The following ABCA5 variants were observed in gnomAD, a reference collection of about 807,000 sequenced individuals.
ABCA5 encodes ATP binding cassette subfamily A member 5.
In ABCA5, 163 loss-of-function variants were observed where a neutral mutation model predicts 206.0. That is an observed-to-expected ratio of 0.79 (90% confidence interval 0.70 to 0.90). The LOEUF is 0.90. Among genes scored for constraint, ABCA5 ranks in the 40% least tolerant of loss-of-function variants. The pLI, the probability that ABCA5 is intolerant of heterozygous loss-of-function variation, is 0.00. For synonymous variants in ABCA5, 609 were observed against 613.8 expected, an observed-to-expected ratio of 0.99 and a Z score of 0.11; for missense variants, 1,859 against 1,912.9, an observed-to-expected ratio of 0.97 and a Z score of 0.53.
intron 2 of ABCA5, 149 bp from the exon 3 acceptor site, chr17:69,313,445 A>C (rs2075789123): frequency 2.3e-6 from 1 of 435,186 alleles, no homozygotes; most frequent in African/African-American, 2.0e-5. Context: ...CTATCCCAAA[A>C]GAATTTTGTG....
At position 69,247,446 on chromosome 17, in the gene ABCA5, A is replaced by G. The variant is rs2074963387; in HGVS notation, c.*91T>C. The stretch of plus-strand genomic sequence containing the variant: ...ATTTCAAGTGCGTTCTTGGTTCTCC[A>G]GTTACCATTCCAATAAAAAACTTTT... On this transcript the variant is annotated 3_prime_UTR_variant, in exon 39 of 39. Transcript: ENST00000392676. 1 of 800,744 alleles carries G rather than the reference A, an allele frequency of 1.2e-6. No individual in the cohort carries two copies. Among genetic ancestry groups the G allele is most frequent in the Admixed American group, 2.8e-5 (1 of 35,484 alleles). The allele number at this position is 800,744 out of a possible 1,614,324, so 49.6% of individuals were successfully genotyped here.
chr17:69,304,669 AGAT>A lies in ABCA5; in HGVS notation c.927_929del (p.Ser310del). The A allele has an allele frequency of 6.4e-7, 1 of 1,571,524 alleles. No homozygotes were observed. Among genetic ancestry groups the A allele is most frequent in the South Asian group, 1.2e-5 (1 of 83,200 alleles). On this transcript the variant is annotated inframe_deletion and splice_region_variant, in exon 7 of 39. Coordinates refer to ENST00000392676, the MANE Select transcript of ABCA5 (RefSeq NM_172232.4). ...TCCTATCACAAGTTAAAATACTTACAGATGATAATCCATAAAGGAAAAAAAGCA... is the reference window on the plus strand; with the variant it reads ...TCCTATCACAAGTTAAAATACTTACAGATAATCCATAAAGGAAAAAAAGCA...
chr17:69,290,925 C>T (rs1476704330), intron 12 of ABCA5, among the ~76,000 whole-genome samples: 1 of 151,922 alleles, frequency 6.6e-6, no homozygotes, highest in African/African-American at 2.4e-5. Context: ...GATTTAATTT[C>T]CAATAAGTTA....
chr17:69,265,229 C>T (rs1003835563), intron 23 of ABCA5, among the ~76,000 whole-genome samples: 7 of 151,966 alleles, frequency 4.6e-5, no homozygotes, highest in African/African-American at 1.4e-4. Flanking sequence ...AATAAATAGC[C>T]AAAACATTAC....
Position 69,302,767 on chromosome 17 carries a change from C to A in ABCA5, c.1070G>T (p.Trp357Leu). 6.3e-7 allele frequency: 1 copy of A among 1,597,042 alleles called. No homozygotes were observed. Among genetic ancestry groups the A allele is most frequent in the Non-Finnish European group, 8.5e-7 (1 of 1,175,468 alleles). The change falls in exon 8 of 39, where the codon TGG (tryptophan) becomes TTG (leucine). Residue 357 changes from tryptophan (W) to leucine (L), a missense_variant. Physicochemically the swap from Trp to Leu is moderately conservative, Grantham distance 61 (BLOSUM62 -2). Coordinates refer to ENST00000392676, the MANE Select transcript of ABCA5 (RefSeq NM_172232.4). ...ACAGTGACAGAAAGGACTGAAAAGC[C>A]ACACTAACGATTTGGGAAAACTTTC... ...LIESFPKSLV[W>L]LFSPFCHCTF...
chr17:69,265,663 TA>T (rs2075199704), intron 23 of ABCA5, among the ~76,000 whole-genome samples: 1 of 152,036 alleles, frequency 6.6e-6, no homozygotes, highest in Non-Finnish European at 1.5e-5. Context: ...AAGCATGAAA[TA>T]TAAAGATTAG....
chr17:69,250,423 A>G (rs1388664628), intron 36 of ABCA5, 49 bp downstream of exon 36: 2 of 1,533,936 alleles, frequency 1.3e-6, no homozygotes, highest in Non-Finnish European at 1.8e-6. Context: ...ATAACTTTTT[A>G]TAACCTTTGC....
chr17:69,286,082 G>T (rs1479294717), intron 16 of ABCA5, 45 bp from the exon 17 acceptor site: 2 of 1,580,260 alleles, frequency 1.3e-6, no homozygotes, highest in Non-Finnish European at 1.7e-6. Context: ...ACAATAAACA[G>T]CCAAAAGTAA....
chr17:69,262,176 A>G (rs184538316), intron 24 of ABCA5, among the ~76,000 whole-genome samples: 67 of 152,322 alleles, frequency 4.4e-4, no homozygotes, highest in Non-Finnish European at 7.5e-4. Flanking sequence ...TTACATGTGA[A>G]CATGAATGCA....
intron 6 of ABCA5, among the ~76,000 whole-genome samples, chr17:69,305,381 A>G (rs2075705475): frequency 6.6e-6 from 1 of 152,206 alleles, no homozygotes; most frequent in Non-Finnish European, 1.5e-5. Flanking sequence ...TTTATTTTAC[A>G]TATTTTTCCA....
At position 69,306,709 on chromosome 17, in the gene ABCA5, AT is replaced by A; in HGVS notation, c.788+15del. ...AATTTTTAATTATATTAAGTAATAAATTTTTAATAACATACCAAAAGGCAGT... is the reference window on the plus strand; with the variant it reads ...AATTTTTAATTATATTAAGTAATAAATTTTAATAACATACCAAAAGGCAGT... On this transcript the variant is annotated intron_variant, in intron 6 of 38. Transcript: ENST00000392676. 8.0e-7 allele frequency: 1 copy of A among 1,245,372 alleles called. No individual in the cohort carries two copies. The allele number at this position is 1,245,372 out of a possible 1,614,324, so 77.1% of individuals were successfully genotyped here. A position where few individuals can be genotyped will look rare whatever the true frequency, so the allele number is the denominator to read the frequency against.
Position 69,307,714 on chromosome 17 carries a change from C to T in ABCA5, c.558+566G>A, listed in dbSNP as rs541934699. Among the ~76,000 whole-genome samples the T allele has an allele frequency of 9.8e-4, 149 of 152,174 alleles. 1 individual carries two copies. The highest frequency in any genetic ancestry group is 3.4e-3 in the African/African-American group (141 of 41,540). On this transcript the variant is annotated intron_variant, in intron 5 of 38. Coordinates refer to ENST00000392676, the MANE Select transcript of ABCA5 (RefSeq NM_172232.4). ...ATCTCATTTGGTTCTTACGACAATGCTGTCAAGTAAAGTACTATTATAATA... is the reference window on the plus strand; with the variant it reads ...ATCTCATTTGGTTCTTACGACAATGTTGTCAAGTAAAGTACTATTATAATA...
chr17:69,263,573 T>C (rs1466548402), intron 24 of ABCA5, among the ~76,000 whole-genome samples: 1 of 152,128 alleles, frequency 6.6e-6, no homozygotes, highest in Non-Finnish European at 1.5e-5. Flanking sequence ...CTCCATTCTG[T>C]TTCATCGGTC....
chr17:69,256,351 T>C (rs183248894), intron 28 of ABCA5, 68 bp from the exon 29 acceptor site: 13 of 1,066,446 alleles, frequency 1.2e-5, no homozygotes, highest in African/African-American at 8.3e-5. Flanking sequence ...GAAATTCAGA[T>C]ACTAGGTAGA....
At chr17:69,302,655 A>G (rs2145012922) in intron 8 of ABCA5, 63 bp downstream of exon 8, 1 of 1,199,872 alleles carries the variant, frequency 8.3e-7, no homozygotes, top group Non-Finnish European at 1.1e-6. Context: ...TCATGGTAGT[A>G]TAAGAAGCTA....
chr17:69,312,599 G>C (rs1299940029), intron 3 of ABCA5, among the ~76,000 whole-genome samples: 1 of 151,844 alleles, frequency 6.6e-6, no homozygotes, highest in Non-Finnish European at 1.5e-5. Flanking sequence ...TTATAGATGG[G>C]GGTCCCATTC....
At chr17:69,289,328 T>C (rs775539526) in intron 13 of ABCA5, 32 bp from the exon 14 acceptor site, 1 of 1,460,690 alleles carries the variant, frequency 6.8e-7, no homozygotes, top group African/African-American at 1.5e-5. Flanking sequence ...AATGTTATTT[T>C]AAAAATCATA....
chr17:69,259,241 T>A (rs186109900), intron 28 of ABCA5, among the ~76,000 whole-genome samples: 124 of 152,142 alleles, frequency 8.2e-4, no homozygotes, highest in African/African-American at 2.9e-3. Context: ...CACGACTACA[T>A]GATAAGCCCT....
chr17:69,260,280 A>G lies in ABCA5; in HGVS notation c.3639+58T>C, dbSNP rs146053119. 5.0e-4 allele frequency: 654 copies of G among 1,319,632 alleles called. 5 individuals are homozygous for G. The East Asian group carries it at 0.015, about 30-fold the overall frequency. The allele number at this position is 1,319,632 out of a possible 1,614,324, so 81.7% of individuals were successfully genotyped here. The stretch of plus-strand genomic sequence containing the variant: ...TAAAAAACTAAACATAGTTAAAACC[A>G]TAGGACCAAACCATTCTTAAGGTAC... On this transcript the variant is annotated intron_variant, in intron 27 of 38. Transcript: ENST00000392676.
Sources: allele counts gnomAD v4.1 joint callset (sites outside exome capture counted in the v4.1 genomes callset), GRCh38; gene constraint gnomAD v4.1.1; transcripts MANE v1.5; gene names NCBI Gene and HGNC (gene_info 2026-07-23, HGNC 2026-07-21).